Variants in MAFK observed in about 807,000 individuals in gnomAD.
The protein encoded by MAFK is MAF bZIP transcription factor K, also known as transcription factor MafK.
A neutral mutation model predicts 9.2 loss-of-function variants in MAFK; 1 was observed. The ratio of observed to expected loss-of-function variants is 0.11; its 90% CI spans 0.04 to 0.52. MAFK has a LOEUF of 0.52. Ranked by LOEUF, MAFK falls within the 20% of genes least tolerant of loss-of-function variation. MAFK has a pLI of 0.94. For synonymous variants in MAFK, 110 were observed against 107.4 expected (o/e 1.02, Z -0.15); for missense variants, 207 against 236.0 (o/e 0.88, Z 0.81).
At chr7:1,537,856 G>A (rs1025134046) in intron 1 of MAFK, 7 of 237,546 alleles carry the variant, frequency 2.9e-5, no homozygotes, top group Admixed American at 1.3e-4. Context: ...GCGGTCACCC[G>A]CCCCCATGAT....
rs59057812 is a variant in MAFK at position 1,535,085 on chromosome 7, C to CTTTTTTTTTTTT, written c.-44-4058_-44-4047dup. On this transcript the variant is annotated intron_variant, in intron 1 of 2. Coordinates refer to ENST00000343242, the MANE Select transcript of MAFK (RefSeq NM_002360.4). Reference sequence around the variant, plus strand: ...CCATCACAACTGGCTATTTAAAATTCTTTTTTTTTTTTTTTTTGTAGAGAT... The same window carrying CTTTTTTTTTTTT: ...CCATCACAACTGGCTATTTAAAATTCTTTTTTTTTTTTTTTTTTTTTTTTTTTTTGTAGAGAT... Among the ~76,000 whole-genome samples, 536 of 111,896 alleles carry CTTTTTTTTTTTT rather than the reference C, an allele frequency of 4.8e-3. 5 individuals are homozygous for CTTTTTTTTTTTT. Among genetic ancestry groups the CTTTTTTTTTTTT allele is most frequent in the African/African-American group, 7.4e-3 (203 of 27,432 alleles). The allele number at this position is 111,896 out of a possible 152,430, so 73.4% of individuals were successfully genotyped here. A position where few individuals can be genotyped will look rare whatever the true frequency, so the allele number is the denominator to read the frequency against.
At chr7:1,537,595 G>A in intron 1 of MAFK, 1 of 985,572 alleles carries the variant, frequency 1.0e-6, no homozygotes, top group Non-Finnish European at 1.2e-6. Context: ...GCCGTCCCCG[G>A]GACCGGCTGG....
chr7:1,540,257 C>T lies in MAFK; in HGVS notation c.353C>T (p.Ala118Val), dbSNP rs1189123676. The change falls in exon 3 of 3, where the codon GCG becomes GTG. Residue 118 changes from alanine (A) to valine (V), a missense_variant. Coordinates refer to ENST00000343242, the MANE Select transcript of MAFK (RefSeq NM_002360.4). ...AAGTACGAGGCGCTGCAGACCTTCG[C>T]GCGCACCGTGGCCCGGGGACCTGTG... The part of the protein sequence containing the change: ...RSKYEALQTF[A>V]RTVARGPVAP... 4.3e-6 allele frequency: 7 copies of T among 1,610,072 alleles called. No individual in the cohort carries two copies. Among genetic ancestry groups the T allele is most frequent in the East Asian group, 2.2e-5 (1 of 44,700 alleles).
intron 2 of MAFK, 29 bp downstream of exon 2, chr7:1,539,257 T>C (rs767618725): frequency 3.1e-6 from 5 of 1,590,052 alleles, no homozygotes; most frequent in Non-Finnish European, 4.3e-6. Flanking sequence ...AGGCCCCGTC[T>C]CAAGCACAGG....
intron 1 of MAFK, chr7:1,538,880 C>A (rs1156594820): frequency 2.1e-5 from 7 of 340,986 alleles, no homozygotes; most frequent in Non-Finnish European, 3.2e-5. Context: ...GGGTGGGGTC[C>A]CAGCCGCTCT....
Position 1,536,219 on chromosome 7 carries a change from G to A in MAFK, c.-44-2930G>A, listed in dbSNP as rs573117318. On this transcript the variant is annotated intron_variant, in intron 1 of 2. Transcript: ENST00000343242. The stretch of plus-strand genomic sequence containing the variant: ...CTCAGACCCGCCCACCCAGGCCCCC[G>A]CTGTGGCGCTGAACACTGCACTTCT... 6.7e-5 allele frequency among the ~76,000 whole-genome samples: 10 copies of A among 149,818 alleles called. No individual in the cohort carries two copies. In the East Asian group the frequency reaches 1.2e-3, roughly 19 times the overall value.
At chr7:1,537,847 C>T (rs548644800) in intron 1 of MAFK, 5 of 267,536 alleles carry the variant, frequency 1.9e-5, no homozygotes, top group Admixed American at 6.5e-5. Context: ...GGACGGGATG[C>T]GGTCACCCGC....
At position 1,540,381 on chromosome 7, in the gene MAFK, G is replaced by C; in HGVS notation, c.*6G>C. 1 of 1,508,064 alleles carries C rather than the reference G, an allele frequency of 6.6e-7. No individual in the cohort carries two copies. The highest frequency in any genetic ancestry group is 1.4e-5 in the African/African-American group (1 of 71,312). 93.4% of individuals were successfully genotyped at this position (1,508,064 alleles called of 1,614,324 possible). A position where few individuals can be genotyped will look rare whatever the true frequency, so the allele number is the denominator to read the frequency against. Reference sequence around the variant, plus strand: ...CCTTCTCGGCTGCATCCTAGTGCCGGCCGGGGGCGGGGGGTGGCGGGCGGC... The same window carrying C: ...CCTTCTCGGCTGCATCCTAGTGCCGCCCGGGGGCGGGGGGTGGCGGGCGGC... On this transcript the variant is annotated 3_prime_UTR_variant, in exon 3 of 3. Coordinates refer to ENST00000343242, the MANE Select transcript of MAFK (RefSeq NM_002360.4).
At chr7:1,538,615 G>A (rs1347265888) in intron 1 of MAFK, 1 of 220,890 alleles carries the variant, frequency 4.5e-6, no homozygotes, top group Non-Finnish European at 7.6e-6. Flanking sequence ...CCAGTGTAGG[G>A]TCGCTGTCCA....
chr7:1,533,644 C>A (rs1018591215), intron 1 of MAFK, among the ~76,000 whole-genome samples: 2 of 152,110 alleles, frequency 1.3e-5, no homozygotes, highest in African/African-American at 4.8e-5. Flanking sequence ...AAGCTGTGGT[C>A]CAGACAGGAG....
chr7:1,534,095 T>G lies in MAFK; in HGVS notation c.-45+3197T>G, dbSNP rs1388390239. On this transcript the variant is annotated intron_variant, in intron 1 of 2. Transcript: ENST00000343242. The surrounding 1 kb of genome is among the most constrained non-coding windows in gnomAD (Gnocchi z 4.3). ...CCAAGCCGGGCCGACAGTCATGGCTTGCTGGAGGGCAGCCAGCCAGGGCCA... is the reference window on the plus strand; with the variant it reads ...CCAAGCCGGGCCGACAGTCATGGCTGGCTGGAGGGCAGCCAGCCAGGGCCA... The G allele has an allele frequency of 2.6e-6, 1 of 387,012 alleles. No homozygotes were observed. The highest frequency in any genetic ancestry group is 2.1e-5 in the African/African-American group (1 of 48,186). 24.0% of individuals were successfully genotyped at this position (387,012 alleles called of 1,614,324 possible). A position where few individuals can be genotyped will look rare whatever the true frequency, so the allele number is the denominator to read the frequency against.
At position 1,537,425 on chromosome 7, in the gene MAFK, G is replaced by A. The variant is rs578168906; in HGVS notation, c.-44-1724G>A. On this transcript the variant is annotated intron_variant, in intron 1 of 2. Transcript: ENST00000343242. ...ACGTGCTCGCAGTGGAGCTGGAAGC[G>A]GTGCCCGCGGCCCCTCCCTCTGACA... The A allele has an allele frequency of 2.2e-5, 22 of 985,526 alleles. No individual in the cohort carries two copies. The Admixed American group carries it at 3.7e-4, about 16-fold the overall frequency. 61.0% of individuals were successfully genotyped at this position (985,526 alleles called of 1,614,324 possible).
intron 1 of MAFK, chr7:1,538,403 C>CG (rs1339664862): frequency 2.1e-6 from 2 of 972,858 alleles, no homozygotes; most frequent in Non-Finnish European, 2.4e-6. Flanking sequence ...GGTCCTCGCT[C>CG]GGGGGCAGCT....
At chr7:1,533,968 C>T in intron 1 of MAFK, 1 of 341,346 alleles carries the variant, frequency 2.9e-6, no homozygotes, top group Non-Finnish European at 5.9e-6. Context: ...GTGGTGTGTT[C>T]TGCAGTCTGC....
intron 2 of MAFK, 151 bp from the exon 3 acceptor site, chr7:1,539,790 A>G: frequency 1.5e-6 from 1 of 663,516 alleles, no homozygotes; most frequent in Non-Finnish European, 2.5e-6. Context: ...CTGCGTGCAC[A>G]GTGTCCTGTG....
chr7:1,539,237 G>T lies in MAFK; in HGVS notation c.36+9G>T. 1 of 1,608,918 alleles carries T rather than the reference G, an allele frequency of 6.2e-7. No individual in the cohort carries two copies. Among genetic ancestry groups the T allele is most frequent in the South Asian group, 1.1e-5 (1 of 90,478 alleles). On this transcript the variant is annotated intron_variant, in intron 2 of 2. Coordinates refer to ENST00000343242, the MANE Select transcript of MAFK (RefSeq NM_002360.4). ...CGAATAAGGCATTAAAGGTAAGGCT[G>T]GTTCCAAGCAGGCCCCGTCTCAAGC...
At position 1,534,732 on chromosome 7, in the gene MAFK, C is replaced by A. The variant is rs1354400807; in HGVS notation, c.-45+3834C>A. On this transcript the variant is annotated intron_variant, in intron 1 of 2. Transcript: ENST00000343242. This position sits in a 1 kb window ranked among gnomAD's most constrained non-coding sequence, Gnocchi z 4.3. Reference sequence around the variant, plus strand: ...CTTGGGCAAGAACAAGTGACCCATCCAGAGCCCCCATGCTGGCCTCGTAGA... The same window carrying A: ...CTTGGGCAAGAACAAGTGACCCATCAAGAGCCCCCATGCTGGCCTCGTAGA... 4.6e-6 allele frequency: 2 copies of A among 436,870 alleles called. No individual in the cohort carries two copies. The highest frequency in any genetic ancestry group is 9.4e-6 in the Non-Finnish European group (2 of 212,220). 27.1% of individuals were successfully genotyped at this position (436,870 alleles called of 1,614,324 possible). A position where few individuals can be genotyped will look rare whatever the true frequency, so the allele number is the denominator to read the frequency against.
rs556535422 is a variant in MAFK, at chr7:1,539,206, C to T, written c.14C>T (p.Pro5Leu). Residue 5 changes from proline (P) to leucine (L), a missense_variant, in exon 2 of 3, where the codon CCC becomes CTC. Physicochemically the swap from Pro to Leu is moderately conservative, Grantham distance 98 (BLOSUM62 -3). Transcript: ENST00000343242. The part of the protein sequence containing the change: MTTN[P>L]KPNKALKVKK... The stretch of plus-strand genomic sequence containing the variant: ...CGTGCCCGGGTTATGACGACTAATC[C>T]CAAACCGAATAAGGCATTAAAGGTA... The T allele has an allele frequency of 1.9e-6, 3 of 1,612,108 alleles. No individual in the cohort carries two copies. Among genetic ancestry groups the T allele is most frequent in the Non-Finnish European group, 2.5e-6 (3 of 1,179,316 alleles).
Position 1,540,857 on chromosome 7 carries a change from A to C in MAFK, c.*482A>C. ...CGGGAGCCCCTCACTGCCCTGACCG[A>C]CTCCGCAGTCCCCGGGGAGGAGCAT... is the stretch of plus-strand genomic sequence containing the variant. On this transcript the variant is annotated 3_prime_UTR_variant, in exon 3 of 3. Coordinates refer to ENST00000343242, the MANE Select transcript of MAFK (RefSeq NM_002360.4). 6.1e-6 allele frequency: 1 copy of C among 163,310 alleles called. No homozygotes were observed. The highest frequency in any genetic ancestry group is 1.3e-5 in the Non-Finnish European group (1 of 75,584). 10.1% of individuals were successfully genotyped at this position (163,310 alleles called of 1,614,324 possible). A position where few individuals can be genotyped will look rare whatever the true frequency, so the allele number is the denominator to read the frequency against.
Sources: gnomAD v4.1 joint callset for allele counts (sites outside exome capture counted in the v4.1 genomes callset) on GRCh38, gnomAD v4.1.1 for gene constraint, Gnocchi (gnomAD v3.1) non-coding constraint, MANE v1.5 for transcripts, NCBI Gene and HGNC (gene_info 2026-07-23, HGNC 2026-07-21) for gene names.